Variants in ADAM15 observed in about 807,000 individuals in gnomAD.
ADAM15 encodes the protein disintegrin and metalloproteinase domain-containing protein 15.
Under a neutral mutation model 113.8 loss-of-function variants are expected in ADAM15, and 77 were observed. That is an observed-to-expected ratio of 0.68 (90% confidence interval 0.56 to 0.82). The LOEUF is 0.82. Ranked by LOEUF, ADAM15 falls within the 40% of genes least tolerant of loss-of-function variation. The pLI, the probability that ADAM15 is intolerant of heterozygous loss-of-function variation, is 0.00. For synonymous variants in ADAM15, 388 were observed against 454.1 expected, an observed-to-expected ratio of 0.85 and a Z score of 1.85; for missense variants, 963 against 1,120.1, an observed-to-expected ratio of 0.86 and a Z score of 2.00.
Position 155,058,185 on chromosome 1 carries a change from G to A in ADAM15, c.1721+30G>A. Reference sequence around the variant, plus strand: ...GTGAGGAAACCTGGCTCCTCCTTTGGGTTTCTGAGAGCCTTGGCCCTGCTC... The same window carrying A: ...GTGAGGAAACCTGGCTCCTCCTTTGAGTTTCTGAGAGCCTTGGCCCTGCTC... On this transcript the variant is annotated intron_variant, in intron 14 of 22. Coordinates refer to ENST00000356955, the MANE Select transcript of ADAM15 (RefSeq NM_207197.3). This position sits in a 1 kb window ranked among gnomAD's most constrained non-coding sequence, Gnocchi z 4.3. The A allele has an allele frequency of 6.2e-7, 1 of 1,611,548 alleles. No individual in the cohort carries two copies. The highest frequency in any genetic ancestry group is 1.3e-5 in the African/African-American group (1 of 74,942).
At chr1:155,055,428 G>C in intron 6 of ADAM15, 1 of 272,456 alleles carries the variant, frequency 3.7e-6, no homozygotes, top group South Asian at 3.8e-5. Context: ...GGGTTTCACC[G>C]TGTTATCCAG....
intron 20 of ADAM15, 21 bp downstream of exon 20, chr1:155,061,510 G>A (rs1245158416): frequency 1.9e-6 from 3 of 1,610,564 alleles, no homozygotes; most frequent in African/African-American, 1.3e-5. Flanking sequence ...GCCAGGGCCC[G>A]CCCTGAGCCA....
chr1:155,060,999 G>C, intron 19 of ADAM15, 167 bp downstream of exon 19: 1 of 680,164 alleles, frequency 1.5e-6, no homozygotes, highest in Non-Finnish European at 2.4e-6. Flanking sequence ...CTGGCTACAG[G>C]CAGGGAAGCT....
Position 155,057,126 on chromosome 1 carries a change from G to T in ADAM15, c.1148+25G>T. The T allele has an allele frequency of 6.4e-7, 1 of 1,573,802 alleles. No individual in the cohort carries two copies. The highest frequency in any genetic ancestry group is 8.6e-7 in the Non-Finnish European group (1 of 1,157,874). On this transcript the variant is annotated intron_variant, in intron 11 of 22. Coordinates refer to ENST00000356955, the MANE Select transcript of ADAM15 (RefSeq NM_207197.3). This position sits in a 1 kb window ranked among gnomAD's most constrained non-coding sequence, Gnocchi z 5.0. ...AGTAAGTAGCTGCAGGATGGAGAGAGGGTGTGGGGCAGGGGGCAGGGAGAG... is the reference window on the plus strand; with the variant it reads ...AGTAAGTAGCTGCAGGATGGAGAGATGGTGTGGGGCAGGGGGCAGGGAGAG...
At position 155,056,747 on chromosome 1, in the gene ADAM15, G is replaced by A. The variant is rs1661817434; in HGVS notation, c.1000-206G>A. On this transcript the variant is annotated intron_variant, in intron 10 of 22. Transcript: ENST00000356955. The surrounding 1 kb of genome is among the most constrained non-coding windows in gnomAD (Gnocchi z 4.0). The stretch of plus-strand genomic sequence containing the variant: ...AACAGAGGTGATCTCCCTCCAGTGA[G>A]GGAGGGGGACAGAGCTGAGCTAGAA... Among the ~76,000 whole-genome samples the A allele has an allele frequency of 1.3e-5, 2 of 152,152 alleles. No homozygotes were observed. The highest frequency in any genetic ancestry group is 2.9e-5 in the Non-Finnish European group (2 of 68,018).
rs1394540261 is a variant in ADAM15 at position 155,056,599 on chromosome 1, G to A, written c.999+129G>A. On this transcript the variant is annotated intron_variant, in intron 10 of 22. Coordinates refer to ENST00000356955, the MANE Select transcript of ADAM15 (RefSeq NM_207197.3). The surrounding 1 kb of genome is among the most constrained non-coding windows in gnomAD (Gnocchi z 4.0). ...CTACAGGTATAGAGGGTGGAGGTAC[G>A]TGATGTGGCCTTTGCTATCAGGGAG... is the stretch of plus-strand genomic sequence containing the variant. 30 of 889,924 alleles carry A rather than the reference G, an allele frequency of 3.4e-5. No individual in the cohort carries two copies. The highest frequency in any genetic ancestry group is 2.3e-4 in the Middle Eastern group (1 of 4,360). 55.1% of individuals were successfully genotyped at this position (889,924 alleles called of 1,614,324 possible).
Position 155,058,899 on chromosome 1 carries a change from C to G in ADAM15, c.1995+112C>G, listed in dbSNP as rs1662159411. The G allele has an allele frequency of 7.3e-7, 1 of 1,378,284 alleles. No homozygotes were observed. Among genetic ancestry groups the G allele is most frequent in the African/African-American group, 1.5e-5 (1 of 68,260 alleles). The allele number at this position is 1,378,284 out of a possible 1,614,324, so 85.4% of individuals were successfully genotyped here. On this transcript the variant is annotated intron_variant, in intron 16 of 22. Transcript: ENST00000356955. This position sits in a 1 kb window ranked among gnomAD's most constrained non-coding sequence, Gnocchi z 4.3. ...GTTTTAATCCTTGCTCTACTACTTC[C>G]CAGTTGTGTGACCTCGGGCAGGTTA...
chr1:155,058,450 C>A lies in ADAM15; in HGVS notation c.1917+9C>A. 6.2e-7 allele frequency: 1 copy of A among 1,609,558 alleles called. No individual in the cohort carries two copies. The highest frequency in any genetic ancestry group is 8.5e-7 in the Non-Finnish European group (1 of 1,179,924). ...CCTGTGGCCCTGGCCTGGTGAGCAGCCTGGGTGGGCAAGACCAGGTGTGAG... is the reference window on the plus strand; with the variant it reads ...CCTGTGGCCCTGGCCTGGTGAGCAGACTGGGTGGGCAAGACCAGGTGTGAG... On this transcript the variant is annotated intron_variant, in intron 15 of 22. Transcript: ENST00000356955. The surrounding 1 kb of genome is among the most constrained non-coding windows in gnomAD (Gnocchi z 4.3).
chr1:155,053,108 C>T (rs1661300509), intron 2 of ADAM15, among the ~76,000 whole-genome samples: 1 of 9,262 alleles, frequency 1.1e-4, no homozygotes, highest in African/African-American at 3.2e-4. Flanking sequence ...CCTTACCAAA[C>T]CCCCCCCCCC....
Position 155,056,221 on chromosome 1 carries a change from T to C in ADAM15, c.886T>C (p.Leu296=), listed in dbSNP as rs746530496. ...HWRRAHLLPR[L]PHDSAQLVTG... The stretch of plus-strand genomic sequence containing the variant: ...GCGCAGGGCACATTTGCTGCCTCGA[T>C]TGCCCCATGACAGTGCCCAGCTGGT... The change falls in exon 9 of 23, where the codon TTG becomes CTG. Residue 296 remains leucine (L), a synonymous_variant. Coordinates refer to ENST00000356955, the MANE Select transcript of ADAM15 (RefSeq NM_207197.3). The surrounding 1 kb of genome is among the most constrained non-coding windows in gnomAD (Gnocchi z 4.0). The C allele has an allele frequency of 3.1e-6, 5 of 1,614,030 alleles. No individual in the cohort carries two copies. The highest frequency in any genetic ancestry group is 4.2e-6 in the Non-Finnish European group (5 of 1,180,024).
At chr1:155,061,007 G>A in intron 19 of ADAM15, 175 bp downstream of exon 19, 2 of 657,920 alleles carry the variant, frequency 3.0e-6, no homozygotes, top group Non-Finnish European at 5.1e-6. Flanking sequence ...AGGCAGGGAA[G>A]CTGAGTCCAG....
Position 155,057,870 on chromosome 1 carries a change from A to C in ADAM15, c.1436A>C (p.Gln479Pro). ...CCACAGCTGCGCCCGTCTGGCTGGCAGTGTCGTCCTACCAGAGGGGATTGT... is the reference window on the plus strand; with the variant it reads ...CCACAGCTGCGCCCGTCTGGCTGGCCGTGTCGTCCTACCAGAGGGGATTGT... ...QNCQLRPSGW[Q>P]CRPTRGDCDL... Residue 479 changes from glutamine to proline, a missense_variant, in exon 14 of 23, where the codon CAG (glutamine) becomes CCG (proline). Physicochemically the swap from Gln to Pro is moderately conservative, Grantham distance 76. Coordinates refer to ENST00000356955, the MANE Select transcript of ADAM15 (RefSeq NM_207197.3). This position sits in a 1 kb window ranked among gnomAD's most constrained non-coding sequence, Gnocchi z 5.0. 6.2e-7 allele frequency: 1 copy of C among 1,613,326 alleles called. No homozygotes were observed. Among genetic ancestry groups the C allele is most frequent in the Non-Finnish European group, 8.5e-7 (1 of 1,179,762 alleles).
chr1:155,060,058 A>AC (rs1224934289), intron 17 of ADAM15, 84 bp downstream of exon 17: 4 of 1,576,562 alleles, frequency 2.5e-6, no homozygotes, highest in Admixed American at 3.4e-5. Flanking sequence ...TCTCTTTCTG[A>AC]CCCCCCTTTG....
rs142665019 is a variant in ADAM15 at position 155,059,636 on chromosome 1, G to A, written c.1996-266G>A. 1.1e-3 allele frequency among the ~76,000 whole-genome samples: 168 copies of A among 152,190 alleles called. 1 individual carries two copies. The highest frequency in any genetic ancestry group is 4.0e-3 in the African/African-American group (164 of 41,514). On this transcript the variant is annotated intron_variant, in intron 16 of 22. Transcript: ENST00000356955. ...AGAGTGAGACTCCATCTTACTTGCTGTCTAAAATAAAATAAAATAAAACAA... is the reference window on the plus strand; with the variant it reads ...AGAGTGAGACTCCATCTTACTTGCTATCTAAAATAAAATAAAATAAAACAA...
In ADAM15 at chr1:155,062,342, G is replaced by A; in HGVS notation, c.2522G>A (p.Gly841Glu). ...GGTGACCTGCCCGGCCCAGGGGCTG[G>A]AATCCCGCCCCTAGTGGTACCCTCC... The part of the protein sequence containing the change: ...PSGDLPGPGA[G>E]IPPLVVPSRP... The change falls in exon 22 of 23, where the codon GGA (glycine) becomes GAA (glutamate). Residue 841 changes from glycine to glutamate, a missense_variant. By Grantham distance (98) the Gly-to-Glu change is moderately conservative. Coordinates refer to ENST00000356955, the MANE Select transcript of ADAM15 (RefSeq NM_207197.3). This position sits in a 1 kb window ranked among gnomAD's most constrained non-coding sequence, Gnocchi z 7.0. 6.4e-7 allele frequency: 1 copy of A among 1,564,420 alleles called. No individual in the cohort carries two copies. Among genetic ancestry groups the A allele is most frequent in the Non-Finnish European group, 8.7e-7 (1 of 1,153,452 alleles).
In ADAM15 at chr1:155,053,902, C is replaced by T. The variant is rs1661421576; in HGVS notation, c.264-8C>T. 6.2e-7 allele frequency: 1 copy of T among 1,613,888 alleles called. No homozygotes were observed. The highest frequency in any genetic ancestry group is 2.2e-5 in the East Asian group (1 of 44,878). ...TTTAGCACTGCCTTCTTTTTCTTCA[C>T]TCCACAGGGAGTTGGTCCCAGGCCG... is the stretch of plus-strand genomic sequence containing the variant. On this transcript the variant is annotated splice_region_variant and splice_polypyrimidine_tract_variant and intron_variant, in intron 3 of 22. Transcript: ENST00000356955.
rs751956197 is a variant in ADAM15, at chr1:155,056,013, CA to C, written c.744+14del. 1.9e-6 allele frequency: 3 copies of C among 1,613,240 alleles called. No individual in the cohort carries two copies. The East Asian group carries it at 6.7e-5, about 36-fold the overall frequency. On this transcript the variant is annotated intron_variant, in intron 8 of 22. Transcript: ENST00000356955. This position sits in a 1 kb window ranked among gnomAD's most constrained non-coding sequence, Gnocchi z 4.0. ...CTTGCTGGACACAGTGAGTGCTGGA[CA>C]GGGCAACCCCCACCCCAGGCCCCTG...
In ADAM15 at chr1:155,062,338, G is replaced by T; in HGVS notation, c.2518G>T (p.Ala840Ser). ...CPSGDLPGPG[A>S]GIPPLVVPSR... The stretch of plus-strand genomic sequence containing the variant: ...ATCGGGTGACCTGCCCGGCCCAGGG[G>T]CTGGAATCCCGCCCCTAGTGGTACC... The change falls in exon 22 of 23, where the codon GCT becomes TCT. Residue 840 changes from alanine to serine, a missense_variant. Coordinates refer to ENST00000356955, the MANE Select transcript of ADAM15 (RefSeq NM_207197.3). This position sits in a 1 kb window ranked among gnomAD's most constrained non-coding sequence, Gnocchi z 7.0. 6.4e-7 allele frequency: 1 copy of T among 1,559,430 alleles called. No individual in the cohort carries two copies.
rs578089534 is a variant in ADAM15 at position 155,054,445 on chromosome 1, G to A, written c.551G>A (p.Arg184Gln). The part of the protein sequence containing the change: ...LPGHTCALSW[R>Q]ESVHTQKPPE... ...GGCCACACCTGTGCCCTGAGCTGGC[G>A]GGAATCTGTACACACTCAGAAGCCA... The change falls in exon 6 of 23, where the codon CGG becomes CAG. Residue 184 changes from arginine (R) to glutamine (Q), a missense_variant. Transcript: ENST00000356955. 5.0e-5 allele frequency: 81 copies of A among 1,613,074 alleles called. No individual in the cohort carries two copies. The Admixed American group carries it at 1.1e-3, about 22-fold the overall frequency.
Sources: gnomAD v4.1 joint callset for allele counts (sites outside exome capture counted in the v4.1 genomes callset) on GRCh38, gnomAD v4.1.1 for gene constraint, Gnocchi (gnomAD v3.1) non-coding constraint, MANE v1.5 for transcripts, NCBI Gene and HGNC (gene_info 2026-07-23, HGNC 2026-07-21) for gene names.